CDC42BPA: variants seen among roughly 807,000 people sequenced by gnomAD.
CDC42BPA encodes the protein serine/threonine-protein kinase MRCK alpha.
Under a neutral mutation model 223.5 loss-of-function variants are expected in CDC42BPA, and 80 were observed. The observed-to-expected ratio is 0.36, with a 90% CI of 0.30 to 0.43. CDC42BPA has a LOEUF of 0.43. CDC42BPA is among the 20% of genes least tolerant of loss of function. The pLI is 1.00. For synonymous variants in CDC42BPA, 694 were observed against 718.6 expected (o/e 0.97, Z 0.55); for missense variants, 1,743 against 2,099.9 (o/e 0.83, Z 3.32).
chr1:227,091,535 C>T (rs912599739), intron 16 of CDC42BPA, among the ~76,000 whole-genome samples: 1 of 152,190 alleles, frequency 6.6e-6, no homozygotes, highest in East Asian at 1.9e-4. Context: ...TCCTGTACAA[C>T]CTGCAGAACC....
chr1:227,051,501 G>T (rs1572495380), intron 22 of CDC42BPA, among the ~76,000 whole-genome samples: 1 of 152,234 alleles, frequency 6.6e-6, no homozygotes, highest in Middle Eastern at 3.4e-3. Flanking sequence ...TATTTATGAT[G>T]TAACAGGTTA....
At chr1:227,276,299 G>A (rs1179856017) in intron 1 of CDC42BPA, among the ~76,000 whole-genome samples, 3 of 147,136 alleles carry the variant, frequency 2.0e-5, no homozygotes, top group Non-Finnish European at 3.0e-5. Flanking sequence ...CTGCCAACCC[G>A]TCTGGGAGGT....
intron 2 of CDC42BPA, chr1:227,235,396 T>G (rs1004897208): frequency 2.6e-5 from 4 of 152,234 alleles, no homozygotes; most frequent in African/African-American, 9.6e-5. Context: ...CAAAAGTTTT[T>G]TCTTAAATAT....
Position 227,091,723 on chromosome 1 carries a change from GATT to G in CDC42BPA, c.2355+160_2355+162del, listed in dbSNP as rs1411560191. Among the ~76,000 whole-genome samples, 9 of 152,262 alleles carry G rather than the reference GATT, an allele frequency of 5.9e-5. No homozygotes were observed. The East Asian group carries it at 1.5e-3, about 26-fold the overall frequency. On this transcript the variant is annotated intron_variant, in intron 16 of 36. Coordinates refer to ENST00000366766, the MANE Select transcript of CDC42BPA (RefSeq NM_001394014.1). The stretch of plus-strand genomic sequence containing the variant: ...CTCTCTCTTCAGAAGACTCCTATCA[GATT>G]ATTATAACAAAGAATTGCATATATC...
intron 17 of CDC42BPA, among the ~76,000 whole-genome samples, chr1:227,078,478 T>A (rs1679954632): frequency 2.0e-5 from 3 of 152,160 alleles, no homozygotes; most frequent in Admixed American, 6.5e-5. Flanking sequence ...AAAAAATAAA[T>A]CTTATGGACT....
intron 1 of CDC42BPA, among the ~76,000 whole-genome samples, chr1:227,302,305 A>C (rs1006193238): frequency 1.3e-5 from 2 of 152,204 alleles, no homozygotes; most frequent in Non-Finnish European, 2.9e-5. Flanking sequence ...CCTTATCCTA[A>C]GTAAACCATT....
At chr1:227,145,403 C>T (rs1334221676) in intron 8 of CDC42BPA, 86 bp downstream of exon 8, 4 of 1,206,176 alleles carry the variant, frequency 3.3e-6, no homozygotes, top group African/African-American at 1.5e-5. Context: ...ATCATCCTAG[C>T]AAAATACTTA....
At chr1:227,247,364 G>A (rs896493474) in intron 2 of CDC42BPA, among the ~76,000 whole-genome samples, 2 of 151,496 alleles carry the variant, frequency 1.3e-5, no homozygotes, top group African/African-American at 2.4e-5. Flanking sequence ...GCATGATGGT[G>A]CACGCCTGTA....
chr1:227,009,121 T>G (rs1219890770), intron 34 of CDC42BPA, among the ~76,000 whole-genome samples: 1 of 152,164 alleles, frequency 6.6e-6, no homozygotes, highest in Admixed American at 6.5e-5. Flanking sequence ...TAGCAAAAAT[T>G]AAGGCTACAA....
chr1:227,177,986 G>C (rs1317601675), intron 5 of CDC42BPA, among the ~76,000 whole-genome samples: 1 of 151,312 alleles, frequency 6.6e-6, no homozygotes, highest in Non-Finnish European at 1.5e-5. Flanking sequence ...ATTTCCATTT[G>C]TTTCTTTTAT....
intron 2 of CDC42BPA, among the ~76,000 whole-genome samples, chr1:227,246,477 G>T (rs1418108163): frequency 1.3e-5 from 2 of 152,052 alleles, no homozygotes; most frequent in Admixed American, 6.5e-5. Flanking sequence ...GTGGCCACAG[G>T]GGTGCTTGTA....
chr1:227,163,487 A>G (rs1407022741), intron 5 of CDC42BPA, among the ~76,000 whole-genome samples: 1 of 125,736 alleles, frequency 8.0e-6, no homozygotes, highest in African/African-American at 3.1e-5. Context: ...CTGTGCTAGC[A>G]TGATTACGAA....
At chr1:227,123,672 G>T (rs1271899498) in intron 11 of CDC42BPA, among the ~76,000 whole-genome samples, 1 of 152,240 alleles carries the variant, frequency 6.6e-6, no homozygotes, top group African/African-American at 2.4e-5. Flanking sequence ...ACTAGACCCA[G>T]TGGGAGGTTG....
In CDC42BPA at chr1:227,091,401, C is replaced by T. The variant is rs545818783; in HGVS notation, c.2355+485G>A. Among the ~76,000 whole-genome samples, 7 of 151,902 alleles carry T rather than the reference C, an allele frequency of 4.6e-5. No homozygotes were observed. The East Asian group carries it at 5.8e-4, about 13-fold the overall frequency. The stretch of plus-strand genomic sequence containing the variant: ...TGATAAGTGAGTTCTCACTGAGATC[C>T]GGTTGTTCAAAAGTGTGTGCACCTC... On this transcript the variant is annotated intron_variant, in intron 16 of 36. Coordinates refer to ENST00000366766, the MANE Select transcript of CDC42BPA (RefSeq NM_001394014.1).
intron 5 of CDC42BPA, among the ~76,000 whole-genome samples, chr1:227,162,908 G>A (rs901837126): frequency 3.1e-5 from 4 of 130,280 alleles, no homozygotes; most frequent in Non-Finnish European, 6.7e-5. Context: ...ATATGTGTGT[G>A]TATATGTGTG....
chr1:227,148,080 AGG>A, intron 6 of CDC42BPA, among the ~76,000 whole-genome samples: 1 of 152,178 alleles, frequency 6.6e-6, no homozygotes, highest in East Asian at 1.9e-4. Context: ...ATAAAAGAAG[AGG>A]TATATCCTTC....
At chr1:227,199,691 G>A (rs1316173285) in intron 3 of CDC42BPA, 39 bp from the exon 4 acceptor site, 1 of 965,238 alleles carries the variant, frequency 1.0e-6, no homozygotes, top group Non-Finnish European at 1.7e-6. Flanking sequence ...CATACTTTAT[G>A]TAAAACTAGG....
At chr1:227,225,859 A>G (rs751509210) in intron 2 of CDC42BPA, among the ~76,000 whole-genome samples, 4 of 152,246 alleles carry the variant, frequency 2.6e-5, no homozygotes, top group Non-Finnish European at 5.9e-5. Flanking sequence ...ATTTCAAAGT[A>G]TCTGAAGGAA....
chr1:227,260,955 T>C (rs1224518301), intron 1 of CDC42BPA, among the ~76,000 whole-genome samples: 1 of 150,944 alleles, frequency 6.6e-6, no homozygotes, highest in African/African-American at 2.5e-5. Context: ...AATTCTGTAA[T>C]ACTGTGACTA....
Sources: allele counts gnomAD v4.1 joint callset (sites outside exome capture counted in the v4.1 genomes callset), GRCh38; gene constraint gnomAD v4.1.1; transcripts MANE v1.5; gene names NCBI Gene and HGNC (gene_info 2026-07-23, HGNC 2026-07-21).